Variants in ZFAT observed in about 807,000 individuals in gnomAD.
ZFAT encodes zinc finger protein ZFAT.
ZFAT carries 64 observed loss-of-function variants against 117.7 expected under a neutral mutation model. The observed-to-expected ratio is 0.54, with a 90% CI of 0.44 to 0.67. The LOEUF is 0.67. Ranked by LOEUF, ZFAT falls within the 30% of genes least tolerant of loss-of-function variation. The probability of loss-of-function intolerance (pLI) is 0.00; values close to 1 mark genes in which losing one functional copy is unlikely to be tolerated. For synonymous variants in ZFAT, 679 were observed against 615.0 expected (o/e 1.10, Z -1.54); for missense variants, 1,433 against 1,584.5 (o/e 0.90, Z 1.62).
chr8:134,696,680 G>T, intron 1 of ZFAT: 1 of 907,506 alleles, frequency 1.1e-6, no homozygotes, highest in Non-Finnish European at 1.3e-6. Flanking sequence ...GGCTCTGATT[G>T]GCCCAGAATG....
rs537278639 is a variant in ZFAT at position 134,699,527 on chromosome 8, T to G, written c.19+13318A>C. On this transcript the variant is annotated intron_variant, in intron 1 of 15. Transcript: ENST00000377838. ...CTCCCTGGGTCCTCATTAAATTAAA[T>G]GAGGTAGGGTGGGAAGAGCTGACGG... Among the ~76,000 whole-genome samples, 13 of 152,100 alleles carry G rather than the reference T, an allele frequency of 8.5e-5. No individual in the cohort carries two copies. In the South Asian group the frequency reaches 2.7e-3, roughly 32 times the overall value.
chr8:134,499,653 C>T (rs1422503517), intron 15 of ZFAT, among the ~76,000 whole-genome samples: 1 of 152,188 alleles, frequency 6.6e-6, no homozygotes, highest in Non-Finnish European at 1.5e-5. Flanking sequence ...TTGCTGGTTA[C>T]ACACAGAGCC....
rs1043358819 is a variant in ZFAT at position 134,478,341 on chromosome 8, G to T, written c.*141C>A. 9.9e-6 allele frequency: 13 copies of T among 1,310,330 alleles called. No individual in the cohort carries two copies. The highest frequency in any genetic ancestry group is 5.4e-4 in the Middle Eastern group (2 of 3,700). The allele number at this position is 1,310,330 out of a possible 1,614,324, so 81.2% of individuals were successfully genotyped here. ...CCTTGCCCACCCCAAGTTGGACTAG[G>T]AGAGTCCTATCAGGCTGCTGGGCAG... On this transcript the variant is annotated 3_prime_UTR_variant, in exon 16 of 16. Transcript: ENST00000377838. This position sits in a 1 kb window ranked among gnomAD's most constrained non-coding sequence, Gnocchi z 5.2.
At chr8:134,783,275 G>T in the ZFAT span, among the ~76,000 whole-genome samples, 423 of 152,182 alleles carry the variant, frequency 2.8e-3, 1 homozygote, top group Non-Finnish European at 4.6e-3. Context: ...GACCAGTATC[G>T]GTCCATGCCC....
chr8:134,715,720 T>C (rs952306881), upstream of ZFAT, among the ~76,000 whole-genome samples: 1 of 152,224 alleles, frequency 6.6e-6, no homozygotes, highest in African/African-American at 2.4e-5. Context: ...CTGGTGGCAG[T>C]TGGCCTCTTG....
chr8:134,479,022 A>C (rs766267958), intron 15 of ZFAT, among the ~76,000 whole-genome samples: 3 of 151,986 alleles, frequency 2.0e-5, no homozygotes, highest in Non-Finnish European at 4.4e-5. Flanking sequence ...GGCTTCCAGG[A>C]GGTGTGGGGT....
chr8:134,513,252 C>T (rs928448108), intron 13 of ZFAT, among the ~76,000 whole-genome samples: 3 of 150,344 alleles, frequency 2.0e-5, no homozygotes, highest in African/African-American at 4.9e-5. Flanking sequence ...GGCTGGAGCG[C>T]GGTGGCGCGA....
intron 1 of ZFAT, among the ~76,000 whole-genome samples, chr8:134,680,887 G>C (rs1040920924): frequency 1.3e-5 from 2 of 152,044 alleles, no homozygotes; most frequent in African/African-American, 4.8e-5. Context: ...GGGTAAACTG[G>C]GTAAAAGGTA....
chr8:134,504,812 C>G (rs183292705), intron 15 of ZFAT, among the ~76,000 whole-genome samples: 1 of 152,176 alleles, frequency 6.6e-6, no homozygotes, highest in Non-Finnish European at 1.5e-5. Flanking sequence ...CAAGTCATTA[C>G]TCTATGCAGG....
At chr8:134,543,983 A>C (rs1197413224) in intron 11 of ZFAT, among the ~76,000 whole-genome samples, 2 of 152,206 alleles carry the variant, frequency 1.3e-5, no homozygotes, top group Admixed American at 1.3e-4. Flanking sequence ...TCAAGTTATT[A>C]AAAATGTCTA....
At chr8:134,629,378 G>A (rs1829732640) in intron 3 of ZFAT, among the ~76,000 whole-genome samples, 1 of 152,010 alleles carries the variant, frequency 6.6e-6, no homozygotes, top group South Asian at 2.1e-4. Flanking sequence ...CACTAGTGAC[G>A]GTCACCAAGC....
chr8:134,564,032 G>A (rs1756173775), intron 11 of ZFAT, among the ~76,000 whole-genome samples: 1 of 152,094 alleles, frequency 6.6e-6, no homozygotes, highest in Admixed American at 6.5e-5. Flanking sequence ...GAGACACCCT[G>A]TAGTCCCAGC....
intron 2 of ZFAT, among the ~76,000 whole-genome samples, chr8:134,640,983 T>C (rs1227411418): frequency 6.6e-6 from 1 of 152,164 alleles, no homozygotes; most frequent in Non-Finnish European, 1.5e-5. Flanking sequence ...CTAAACTCTA[T>C]GGACTTTGCC....
intron 3 of ZFAT, among the ~76,000 whole-genome samples, chr8:134,614,159 T>A (rs1289277480): frequency 6.6e-6 from 1 of 152,172 alleles, no homozygotes; most frequent in Non-Finnish European, 1.5e-5. Flanking sequence ...CCCATCTCCA[T>A]TAGGAGAAAG....
At chr8:134,756,426 G>T in the ZFAT span, among the ~76,000 whole-genome samples, 2 of 152,232 alleles carry the variant, frequency 1.3e-5, no homozygotes, top group African/African-American at 4.8e-5. Context: ...GAGTGAGTAA[G>T]TCTGGGAACT....
chr8:134,516,175 C>T (rs1015070560), intron 13 of ZFAT, among the ~76,000 whole-genome samples: 2 of 152,206 alleles, frequency 1.3e-5, no homozygotes, highest in African/African-American at 2.4e-5. Context: ...ATCTAAGTTT[C>T]GCTGATTGCA....
At chr8:134,604,654 C>T (rs1452296793) in intron 5 of ZFAT, among the ~76,000 whole-genome samples, 1 of 152,258 alleles carries the variant, frequency 6.6e-6, no homozygotes, top group Non-Finnish European at 1.5e-5. Flanking sequence ...ACTGTACCCA[C>T]TCTCACTGTA....
At chr8:134,655,106 A>C (rs1831513404) in intron 2 of ZFAT, among the ~76,000 whole-genome samples, 1 of 152,164 alleles carries the variant, frequency 6.6e-6, no homozygotes, top group African/African-American at 2.4e-5. Flanking sequence ...CTCCGCCAGC[A>C]GTCGGGGAAC....
intron 11 of ZFAT, among the ~76,000 whole-genome samples, chr8:134,564,072 T>A (rs890946431): frequency 1.3e-5 from 2 of 151,818 alleles, no homozygotes; most frequent in Non-Finnish European, 2.9e-5. Flanking sequence ...GGGGAATCGC[T>A]TGAAACCAGG....
Sources: allele counts gnomAD v4.1 joint callset (sites outside exome capture counted in the v4.1 genomes callset), GRCh38; gene constraint gnomAD v4.1.1; non-coding constraint Gnocchi (gnomAD v3.1); transcripts MANE v1.5; gene names NCBI Gene and HGNC (gene_info 2026-07-23, HGNC 2026-07-21).